The following RAPGEF2 variants were observed in gnomAD, a reference collection of about 807,000 sequenced individuals.
The protein encoded by RAPGEF2 is PDZ domain containing guanine nucleotide exchange factor (GEF) 1.
A neutral mutation model predicts 186.7 loss-of-function variants in RAPGEF2; 54 were observed. The ratio of observed to expected loss-of-function variants is 0.29; its 90% confidence interval spans 0.23 to 0.36. The LOEUF (loss-of-function observed/expected upper bound fraction) is 0.36. RAPGEF2 is among the 10% of genes least tolerant of loss of function. The pLI is 1.00. For missense variants in RAPGEF2, 1,532 were observed against 2,045.0 expected (o/e 0.75, Z 4.84); for synonymous variants, 712 against 705.9 (o/e 1.01, Z -0.14).
At chr4:159,222,539 G>A (rs544780047) in intron 4 of RAPGEF2, among the ~76,000 whole-genome samples, 1 of 152,154 alleles carries the variant, frequency 6.6e-6, no homozygotes, top group African/African-American at 2.4e-5. Context: ...TCTGATGTTT[G>A]TGTCAATGAA....
At chr4:159,141,953 A>G (rs188948309) in intron 1 of RAPGEF2, among the ~76,000 whole-genome samples, 69 of 152,376 alleles carry the variant, frequency 4.5e-4, no homozygotes, top group Admixed American at 2.9e-3. Context: ...TAAGAGAAGT[A>G]TCTCAGTGTA....
At chr4:159,138,640 A>G (rs1451327272) in intron 1 of RAPGEF2, among the ~76,000 whole-genome samples, 1 of 152,242 alleles carries the variant, frequency 6.6e-6, no homozygotes, top group East Asian at 1.9e-4. Flanking sequence ...GTGAAAGAAT[A>G]TGATTTCTAC....
chr4:159,117,557 T>C (rs924845947), intron 1 of RAPGEF2, among the ~76,000 whole-genome samples: 1 of 152,106 alleles, frequency 6.6e-6, no homozygotes, highest in Non-Finnish European at 1.5e-5. Flanking sequence ...TCCTTGTTCC[T>C]ACTTTATATA....
In RAPGEF2 at chr4:159,294,634, T is replaced by TTCCTTCCTTCCTTCCTTCCTTCCTTC. The variant is rs1554029084; in HGVS notation, c.544-9708_544-9707insTCCTTCCTTCCTTCCTTCCTTCCTTC. On this transcript the variant is annotated intron_variant, in intron 7 of 29. Transcript: ENST00000691494. ...CACTTGAGCTCTTTGAGCTTCCATT[T>TTCCTTCCTTCCTTCCTTCCTTCCTTC]CTTCCTTCCTTCCTTCCTTCCTTCC... Among the ~76,000 whole-genome samples the TTCCTTCCTTCCTTCCTTCCTTCCTTC allele has an allele frequency of 9.8e-4, 131 of 133,102 alleles. 2 individuals are homozygous for TTCCTTCCTTCCTTCCTTCCTTCCTTC. The highest frequency in any genetic ancestry group is 2.1e-3 in the African/African-American group (78 of 36,290). The allele number at this position is 133,102 out of a possible 152,430, so 87.3% of individuals were successfully genotyped here.
rs1180977943 is a variant in RAPGEF2, at chr4:159,193,242, T to C, written c.183T>C (p.Asn61=). The change falls in exon 3 of 30, where the codon AAT becomes AAC. Residue 61 remains asparagine (N), a synonymous_variant. Coordinates refer to ENST00000691494, the MANE Select transcript of RAPGEF2 (RefSeq NM_001394067.2). The stretch of plus-strand genomic sequence containing the variant: ...TGAGATATGAGAGACACGAAGCAAA[T>C]GAAGTTTTATACTAGTAGGTGTTTC... The part of the protein sequence containing the change: ...ETVRYERHEA[N]EVLYYPDDIG... 4 of 1,501,164 alleles carry C rather than the reference T, an allele frequency of 2.7e-6. No individual in the cohort carries two copies. The highest frequency in any genetic ancestry group is 3.5e-6 in the Non-Finnish European group (4 of 1,129,312). The allele number at this position is 1,501,164 out of a possible 1,614,324, so 93.0% of individuals were successfully genotyped here.
intron 1 of RAPGEF2, among the ~76,000 whole-genome samples, chr4:159,152,508 T>G (rs1743663278): frequency 6.6e-6 from 1 of 152,238 alleles, no homozygotes; most frequent in Non-Finnish European, 1.5e-5. Flanking sequence ...TATGGTTTTT[T>G]CAAGAATACT....
chr4:159,158,654 A>T (rs529358106), intron 1 of RAPGEF2, among the ~76,000 whole-genome samples: 1 of 152,228 alleles, frequency 6.6e-6, no homozygotes, highest in African/African-American at 2.4e-5. Flanking sequence ...AAAAAAGTTC[A>T]GAGATGACTA....
intron 1 of RAPGEF2, among the ~76,000 whole-genome samples, chr4:159,184,401 CTGT>C (rs1358496650): frequency 6.6e-6 from 1 of 152,170 alleles, no homozygotes; most frequent in East Asian, 1.9e-4. Context: ...TCTCCAGCAC[CTGT>C]TGTTTCCTGA....
chr4:159,175,461 G>C (rs1172592723), intron 1 of RAPGEF2, among the ~76,000 whole-genome samples: 1 of 152,148 alleles, frequency 6.6e-6, no homozygotes, highest in African/African-American at 2.4e-5. Flanking sequence ...GCTTTACAAA[G>C]ATCTGGGGAG....
At chr4:159,341,461 A>T in intron 19 of RAPGEF2, 103 bp from the exon 20 acceptor site, 1 of 1,179,118 alleles carries the variant, frequency 8.5e-7, no homozygotes, top group South Asian at 1.6e-5. Flanking sequence ...AATTCAAATC[A>T]GTGCTCTCTC....
In RAPGEF2 at chr4:159,186,662, C is replaced by G; in HGVS notation, c.90C>G (p.Ser30=). Residue 30 remains serine (S), a synonymous_variant, in exon 2 of 30, where the codon TCC becomes TCG. Transcript: ENST00000691494. ...RTPQDLEIVY[S]YLHGMEALSN... ...AACAGGATCTGGAAATAGTATATTC[C>G]TATTTACATGGTATGGAAGCCTTAT... 1 of 1,459,372 alleles carries G rather than the reference C, an allele frequency of 6.9e-7. No individual in the cohort carries two copies. The highest frequency in any genetic ancestry group is 1.3e-5 in the South Asian group (1 of 76,370). 90.4% of individuals were successfully genotyped at this position (1,459,372 alleles called of 1,614,324 possible).
At chr4:159,285,498 A>G (rs1157461471) in intron 7 of RAPGEF2, among the ~76,000 whole-genome samples, 1 of 152,230 alleles carries the variant, frequency 6.6e-6, no homozygotes, top group Non-Finnish European at 1.5e-5. Context: ...ATCCAAGTTC[A>G]TATTTCACTT....
chr4:159,193,605 A>G (rs1034136147), intron 3 of RAPGEF2, among the ~76,000 whole-genome samples: 1 of 152,256 alleles, frequency 6.6e-6, no homozygotes, highest in Non-Finnish European at 1.5e-5. Context: ...AAATGTGAAG[A>G]TAGCATAAAG....
At chr4:159,274,865 G>A (rs1464991267) in intron 7 of RAPGEF2, among the ~76,000 whole-genome samples, 1 of 152,154 alleles carries the variant, frequency 6.6e-6, no homozygotes, top group Non-Finnish European at 1.5e-5. Flanking sequence ...CTTTAAAAAT[G>A]CAACAAATTG....
intron 25 of RAPGEF2, among the ~76,000 whole-genome samples, chr4:159,348,422 C>G (rs967746642): frequency 2.6e-5 from 4 of 152,190 alleles, no homozygotes; most frequent in Non-Finnish European, 5.9e-5. Context: ...CCCTCACGTA[C>G]TCTGTATCCT....
chr4:159,236,276 T>A (rs1753245322), intron 4 of RAPGEF2, among the ~76,000 whole-genome samples: 1 of 152,212 alleles, frequency 6.6e-6, no homozygotes. Context: ...AATGTTTTTG[T>A]GTAGCACATT....
chr4:159,123,679 C>T (rs1171775786), intron 1 of RAPGEF2, among the ~76,000 whole-genome samples: 1 of 151,564 alleles, frequency 6.6e-6, no homozygotes, highest in Non-Finnish European at 1.5e-5. Context: ...CCACCGCGCC[C>T]GGCTAATTTT....
At chr4:159,130,900 G>A (rs1740977470) in intron 1 of RAPGEF2, among the ~76,000 whole-genome samples, 1 of 152,074 alleles carries the variant, frequency 6.6e-6, no homozygotes, top group Non-Finnish European at 1.5e-5. Context: ...TGTAGAGACG[G>A]GGTTTCACCA....
intron 1 of RAPGEF2, among the ~76,000 whole-genome samples, chr4:159,137,437 A>G (rs1298315080): frequency 6.6e-6 from 1 of 152,156 alleles, no homozygotes; most frequent in Non-Finnish European, 1.5e-5. Flanking sequence ...GTCCAACTGG[A>G]CCAGGGCCCC....
Sources: allele counts gnomAD v4.1 joint callset (sites outside exome capture counted in the v4.1 genomes callset), GRCh38; gene constraint gnomAD v4.1.1; transcripts MANE v1.5; gene names NCBI Gene and HGNC (gene_info 2026-07-23, HGNC 2026-07-21).